DGKB: variants seen among roughly 807,000 people sequenced by gnomAD.
DGKB encodes the protein diacylglycerol kinase beta.
Under a neutral mutation model 114.3 loss-of-function variants are expected in DGKB, and 67 were observed. The ratio of observed to expected loss-of-function variants is 0.59; its 90% CI spans 0.48 to 0.72. The LOEUF (loss-of-function observed/expected upper bound fraction) is 0.72. Among genes scored for constraint, DGKB ranks in the 30% least tolerant of loss-of-function variants. The pLI, the probability that DGKB is intolerant of heterozygous loss-of-function variation, is 0.00. For missense variants in DGKB, 907 were observed against 975.2 expected (o/e 0.93, Z 0.93); for synonymous variants, 398 against 323.1 (o/e 1.23, Z -2.49).
chr7:14,933,301 C>T (rs1356287492), intron 1 of DGKB, among the ~76,000 whole-genome samples: 2 of 152,156 alleles, frequency 1.3e-5, no homozygotes, highest in East Asian at 1.9e-4. Context: ...CATTTCGTAT[C>T]GCTGGTGGAC....
chr7:14,405,089 T>C (rs997056270), intron 21 of DGKB, among the ~76,000 whole-genome samples: 26 of 106,722 alleles, frequency 2.4e-4, no homozygotes, highest in African/African-American at 8.0e-4. Flanking sequence ...TATATCTAAA[T>C]TGAAATTCTT....
At chr7:14,415,969 G>C (rs568010302) in intron 21 of DGKB, among the ~76,000 whole-genome samples, 3 of 152,206 alleles carry the variant, frequency 2.0e-5, no homozygotes, top group African/African-American at 7.2e-5. Context: ...CATTCTAACT[G>C]GTGTGAGATG....
chr7:14,765,138 A>G (rs925140621), intron 2 of DGKB, among the ~76,000 whole-genome samples: 3 of 151,958 alleles, frequency 2.0e-5, no homozygotes, highest in African/African-American at 7.2e-5. Context: ...ATTTTTTAAA[A>G]TCCTAAAAAT....
chr7:14,775,009 T>C (rs918466057), intron 2 of DGKB, among the ~76,000 whole-genome samples: 2 of 152,146 alleles, frequency 1.3e-5, no homozygotes, highest in East Asian at 3.9e-4. Context: ...CACTTAAATA[T>C]AAGAATATAT....
At chr7:14,905,023 G>T (rs193259126), upstream of DGKB, among the ~76,000 whole-genome samples, 8 of 152,004 alleles carry the variant, frequency 5.3e-5, no homozygotes, top group Admixed American at 4.6e-4. Context: ...TTTTCTTTTT[G>T]ATCTTTTTGG....
chr7:14,830,402 A>G (rs1586783816), intron 2 of DGKB, among the ~76,000 whole-genome samples: 1 of 151,774 alleles, frequency 6.6e-6, no homozygotes, highest in East Asian at 1.9e-4. Context: ...AAAAAATACC[A>G]TGACTATTCT....
chr7:14,326,842 T>C (rs1292870622), intron 23 of DGKB, among the ~76,000 whole-genome samples: 1 of 152,112 alleles, frequency 6.6e-6, no homozygotes, highest in Admixed American at 6.6e-5. Context: ...CCAGGCTTCA[T>C]TTTGATATCT....
chr7:14,689,199 ATTTTTTT>A (rs551618345), intron 9 of DGKB, among the ~76,000 whole-genome samples: 55 of 76,566 alleles, frequency 7.2e-4, no homozygotes, highest in Non-Finnish European at 1.0e-3. Context: ...AACTCCTCTT[ATTTTTTT>A]TTTTTTTTTT....
chr7:14,954,280 T>A (rs1786374212), intron 1 of DGKB, among the ~76,000 whole-genome samples: 1 of 152,004 alleles, frequency 6.6e-6, no homozygotes, highest in South Asian at 2.1e-4. Flanking sequence ...TTAAGAACAG[T>A]CTCTTGGTAA....
At chr7:14,607,193 C>A (rs1221063052) in intron 17 of DGKB, among the ~76,000 whole-genome samples, 1 of 144,372 alleles carries the variant, frequency 6.9e-6, no homozygotes, top group Non-Finnish European at 1.5e-5. Flanking sequence ...AGATTAATAT[C>A]ATCATTAGTA....
chr7:14,557,188 A>G (rs1356246758), intron 20 of DGKB, among the ~76,000 whole-genome samples: 1 of 152,242 alleles, frequency 6.6e-6, no homozygotes, highest in Non-Finnish European at 1.5e-5. Context: ...TTTAAGAACC[A>G]CTATCTTAGA....
chr7:14,227,686 A>G (rs983961654), intron 23 of DGKB, among the ~76,000 whole-genome samples: 1 of 152,008 alleles, frequency 6.6e-6, no homozygotes, highest in Non-Finnish European at 1.5e-5. Flanking sequence ...AAATGCAAAT[A>G]CTAAAAGCAT....
intron 6 of DGKB, among the ~76,000 whole-genome samples, chr7:14,706,510 T>C (rs1406841599): frequency 3.4e-5 from 5 of 148,128 alleles, no homozygotes; most frequent in African/African-American, 7.5e-5. Flanking sequence ...CAACAGAATA[T>C]ACATTTTTTT....
rs372811904 is a variant in DGKB at position 14,382,729 on chromosome 7, G to A, written c.1836-37338C>T. Among the ~76,000 whole-genome samples the A allele has an allele frequency of 1.1e-4, 17 of 152,202 alleles. No individual in the cohort carries two copies. The East Asian group carries it at 1.5e-3, about 14-fold the overall frequency. On this transcript the variant is annotated intron_variant, in intron 21 of 25. Transcript: ENST00000402815. ...AAAAGTTTTGTTTTTACTCCCTTTG[G>A]TTTTCTTCTGTAATTCTAGATTGGG...
intron 20 of DGKB, among the ~76,000 whole-genome samples, chr7:14,567,474 T>C: frequency 1.3e-5 from 1 of 74,924 alleles, no homozygotes; most frequent in East Asian, 3.6e-4. Context: ...TATTTATATA[T>C]TATATATATT....
chr7:14,838,438 T>C (rs1169582701), intron 2 of DGKB, among the ~76,000 whole-genome samples: 1 of 152,186 alleles, frequency 6.6e-6, no homozygotes, highest in Non-Finnish European at 1.5e-5. Flanking sequence ...AAATTCAACA[T>C]AACCTAAGCC....
upstream of DGKB, among the ~76,000 whole-genome samples, chr7:14,906,746 C>T (rs1783731788): frequency 6.6e-6 from 1 of 152,092 alleles, no homozygotes; most frequent in South Asian, 2.1e-4. Context: ...CCACAGTGCC[C>T]GGCCTCCAGA....
intron 20 of DGKB, among the ~76,000 whole-genome samples, chr7:14,484,911 G>A (rs111938862): frequency 5.8e-4 from 89 of 152,180 alleles, no homozygotes; most frequent in African/African-American, 1.8e-3. Context: ...ATTGGGAGAA[G>A]AGTTTAAAGT....
intron 20 of DGKB, among the ~76,000 whole-genome samples, chr7:14,573,171 G>C (rs552183280): frequency 2.3e-4 from 35 of 152,204 alleles, no homozygotes; most frequent in African/African-American, 8.2e-4. Flanking sequence ...GAATAGGAGG[G>C]CTTCTCTGGA....
Sources: allele counts gnomAD v4.1 joint callset (sites outside exome capture counted in the v4.1 genomes callset), GRCh38; gene constraint gnomAD v4.1.1; transcripts MANE v1.5; gene names NCBI Gene and HGNC (gene_info 2026-07-23, HGNC 2026-07-21).